The following PRELID2 variants were observed in gnomAD, a reference collection of about 807,000 sequenced individuals.
The protein encoded by PRELID2 is PRELI domain-containing protein 2.
In PRELID2, 25 loss-of-function variants were observed where a neutral mutation model predicts 28.4. The ratio of observed to expected loss-of-function variants is 0.88; its 90% CI spans 0.64 to 1.23. The LOEUF is 1.23. PRELID2 is among the 50% of genes most tolerant of loss of function. PRELID2 has a pLI of 0.00. For synonymous variants in PRELID2, 76 were observed against 71.6 expected, an observed-to-expected ratio of 1.06 and a Z score of -0.31; for missense variants, 201 against 214.4, an observed-to-expected ratio of 0.94 and a Z score of 0.39.
intron 1 of PRELID2, among the ~76,000 whole-genome samples, chr5:145,529,383 GGTT>G (rs1752636333): frequency 6.6e-6 from 1 of 152,044 alleles, no homozygotes; most frequent in Admixed American, 6.6e-5. Context: ...ATTTTTCTTG[GGTT>G]GTTAAGACGG....
chr5:145,743,263 A>C (rs1379073769), intron 1 of PRELID2, among the ~76,000 whole-genome samples: 1 of 151,604 alleles, frequency 6.6e-6, no homozygotes. Context: ...ACAAAAAATT[A>C]CCCAGGCATG....
chr5:145,671,768 T>A (rs925116310), intron 1 of PRELID2, among the ~76,000 whole-genome samples: 7 of 152,290 alleles, frequency 4.6e-5, no homozygotes, highest in Admixed American at 6.5e-5. Flanking sequence ...ATATGTAAGA[T>A]ATAACCTATT....
intron 1 of PRELID2, among the ~76,000 whole-genome samples, chr5:145,510,045 G>A (rs563015985): frequency 4.6e-5 from 7 of 152,232 alleles, no homozygotes; most frequent in East Asian, 1.9e-4. Flanking sequence ...ATAACTTATC[G>A]GAACACCTTT....
At chr5:145,667,949 C>G (rs932865384) in intron 1 of PRELID2, among the ~76,000 whole-genome samples, 1 of 151,786 alleles carries the variant, frequency 6.6e-6, no homozygotes, top group Non-Finnish European at 1.5e-5. Context: ...CGGGTAGAGA[C>G]AAAAAGAAAA....
the PRELID2 span, among the ~76,000 whole-genome samples, chr5:145,449,667 C>T: frequency 6.6e-6 from 1 of 152,088 alleles, no homozygotes; most frequent in African/African-American, 2.4e-5. Context: ...CTCTTCTACC[C>T]AGTATTTCCC....
At chr5:145,275,025 T>G in the PRELID2 span, among the ~76,000 whole-genome samples, 2 of 152,272 alleles carry the variant, frequency 1.3e-5, no homozygotes, top group African/African-American at 4.8e-5. Context: ...AAACTTCTTA[T>G]AAGGACACAA....
chr5:145,791,939 C>A (rs1468519103), intron 5 of PRELID2, among the ~76,000 whole-genome samples: 1 of 151,976 alleles, frequency 6.6e-6, no homozygotes, highest in Non-Finnish European at 1.5e-5. Context: ...GTAGTGTAGA[C>A]GACAGATGCT....
At chr5:145,357,953 T>A in the PRELID2 span, among the ~76,000 whole-genome samples, 1,160 of 151,946 alleles carry the variant, frequency 7.6e-3, 18 homozygotes, top group African/African-American at 0.026. Context: ...TGCCATTGGT[T>A]GTTTGGTTGT....
chr5:145,815,522 C>T (rs1036658276), intron 4 of PRELID2, among the ~76,000 whole-genome samples: 4 of 152,162 alleles, frequency 2.6e-5, no homozygotes, highest in African/African-American at 9.7e-5. Context: ...ACATTTTCAT[C>T]ACCCCAAAAA....
the PRELID2 span, among the ~76,000 whole-genome samples, chr5:145,319,921 C>T: frequency 1.3e-5 from 2 of 152,224 alleles, no homozygotes; most frequent in East Asian, 3.9e-4. Flanking sequence ...GAAATATATA[C>T]CACTGCCTTT....
At chr5:145,436,394 T>C in the PRELID2 span, among the ~76,000 whole-genome samples, 3 of 152,144 alleles carry the variant, frequency 2.0e-5, no homozygotes, top group East Asian at 5.8e-4. Flanking sequence ...GTGATGAACA[T>C]ATGCATGCAT....
chr5:145,557,205 C>A (rs1274506196), intron 1 of PRELID2, among the ~76,000 whole-genome samples: 2 of 152,186 alleles, frequency 1.3e-5, no homozygotes, highest in African/African-American at 4.8e-5. Context: ...AGAAACAGTG[C>A]TTGACAACCA....
intron 1 of PRELID2, among the ~76,000 whole-genome samples, chr5:145,741,632 T>A (rs536446423): frequency 5.9e-5 from 1 of 16,980 alleles, no homozygotes; most frequent in Non-Finnish European, 1.2e-4. Context: ...ATAATTTATT[T>A]ATAATTTATT....
intron 1 of PRELID2, among the ~76,000 whole-genome samples, chr5:145,568,065 G>A (rs1752983066): frequency 6.6e-6 from 1 of 152,174 alleles, no homozygotes; most frequent in South Asian, 2.1e-4. Flanking sequence ...ATGGCAGAAA[G>A]GAGAAGCACA....
the PRELID2 span, among the ~76,000 whole-genome samples, chr5:145,311,018 C>A: frequency 6.6e-6 from 1 of 152,138 alleles, no homozygotes; most frequent in Non-Finnish European, 1.5e-5. Flanking sequence ...CAATTTGATT[C>A]ATGTATGATT....
At chr5:145,412,967 G>A in the PRELID2 span, among the ~76,000 whole-genome samples, 32,715 of 151,884 alleles carry the variant, frequency 0.22, 3,787 homozygotes, top group South Asian at 0.33. Flanking sequence ...CATGAGAACC[G>A]CATGGGGGAA....
chr5:145,447,047 C>T, the PRELID2 span, among the ~76,000 whole-genome samples: 2 of 46,028 alleles, frequency 4.3e-5, no homozygotes, highest in Non-Finnish European at 1.0e-4. Context: ...GAAACTCCAT[C>T]TCAAAATAAA....
At chr5:145,682,274 G>T (rs558885234) in intron 1 of PRELID2, among the ~76,000 whole-genome samples, 17 of 152,308 alleles carry the variant, frequency 1.1e-4, no homozygotes, top group African/African-American at 3.6e-4. Context: ...TTTTCTATTA[G>T]TTTTGGTTGG....
the PRELID2 span, among the ~76,000 whole-genome samples, chr5:145,235,359 A>G: frequency 6.6e-6 from 1 of 152,120 alleles, no homozygotes; most frequent in Non-Finnish European, 1.5e-5. Context: ...CTGTCACTCA[A>G]AATGGTGTAA....
Sources: gnomAD v4.1 joint callset for allele counts (sites outside exome capture counted in the v4.1 genomes callset) on GRCh38, gnomAD v4.1.1 for gene constraint, MANE v1.5 for transcripts, NCBI Gene and HGNC (gene_info 2026-07-23, HGNC 2026-07-21) for gene names.